The following TCF7L2 variants were observed in gnomAD, a reference collection of about 807,000 sequenced individuals.
TCF7L2 encodes the protein transcription factor 7 like 2, also known as transcription factor 7-like 2.
A neutral mutation model predicts 77.9 loss-of-function variants in TCF7L2; 23 were observed. The ratio of observed to expected loss-of-function variants is 0.30; its 90% CI spans 0.21 to 0.42. TCF7L2 has a LOEUF of 0.42. TCF7L2 is among the 10% of genes least tolerant of loss of function. The pLI is 1.00. For synonymous variants in TCF7L2, 413 were observed against 340.2 expected, an observed-to-expected ratio of 1.21 and a Z score of -2.36; for missense variants, 654 against 793.1, an observed-to-expected ratio of 0.82 and a Z score of 2.11.
chr10:113,024,867 G>A (rs544309450), intron 4 of TCF7L2, among the ~76,000 whole-genome samples: 1 of 152,114 alleles, frequency 6.6e-6, no homozygotes, highest in Admixed American at 6.5e-5. Context: ...TGATCCACCC[G>A]CTTTGGCCTC....
At chr10:113,059,495 T>C (rs906450658) in intron 5 of TCF7L2, among the ~76,000 whole-genome samples, 3 of 152,076 alleles carry the variant, frequency 2.0e-5, no homozygotes, top group African/African-American at 4.8e-5. Context: ...TGGGGAGGTT[T>C]GGAGTTTGAA....
At chr10:113,126,047 G>A (rs2065538369) in intron 5 of TCF7L2, 1 of 151,176 alleles carries the variant, frequency 6.6e-6, no homozygotes, top group Non-Finnish European at 1.5e-5. Context: ...ACGCGCAGCG[G>A]TGGTTTAATA....
intron 5 of TCF7L2, among the ~76,000 whole-genome samples, chr10:113,122,701 G>A (rs2136313030): frequency 6.6e-6 from 1 of 152,252 alleles, no homozygotes; most frequent in South Asian, 2.1e-4. Flanking sequence ...TACTAGGAAA[G>A]GAGAATTATA....
intron 6 of TCF7L2, among the ~76,000 whole-genome samples, chr10:113,141,866 C>T (rs1460641749): frequency 1.3e-5 from 2 of 152,206 alleles, no homozygotes; most frequent in African/African-American, 4.8e-5. Context: ...GTTCTTTTTC[C>T]CCTACAATAT....
At chr10:113,093,325 G>A (rs1048377695) in intron 5 of TCF7L2, among the ~76,000 whole-genome samples, 3 of 152,202 alleles carry the variant, frequency 2.0e-5, no homozygotes, top group Non-Finnish European at 4.4e-5. Context: ...AAGGGTGAGA[G>A]CTATAAAAAT....
At chr10:113,139,418 C>T (rs1046951383) in intron 5 of TCF7L2, among the ~76,000 whole-genome samples, 23 of 152,242 alleles carry the variant, frequency 1.5e-4, no homozygotes, top group Non-Finnish European at 2.6e-4. Flanking sequence ...CTGTGGGCAG[C>T]AGCCCTTCAC....
chr10:113,016,472 CCTTT>C (rs921517751), intron 4 of TCF7L2, among the ~76,000 whole-genome samples: 7 of 152,152 alleles, frequency 4.6e-5, no homozygotes, highest in Non-Finnish European at 5.9e-5. Context: ...TCAGAATTAT[CCTTT>C]CTATCGCAGC....
intron 4 of TCF7L2, among the ~76,000 whole-genome samples, chr10:112,981,131 CTTG>C (rs1172330973): frequency 6.6e-6 from 1 of 152,132 alleles, no homozygotes; most frequent in East Asian, 1.9e-4. Context: ...TTTCTTGTCA[CTTG>C]TTGCTGTTGC....
At chr10:112,954,657 A>G (rs1408396544) in intron 3 of TCF7L2, among the ~76,000 whole-genome samples, 1 of 152,238 alleles carries the variant, frequency 6.6e-6, no homozygotes, top group East Asian at 1.9e-4. Context: ...TATATTAAAG[A>G]TAAGAATACT....
chr10:113,040,004 A>T (rs200203965), intron 4 of TCF7L2, 21 bp from the exon 5 acceptor site: 1 of 1,604,796 alleles, frequency 6.2e-7, no homozygotes, highest in Non-Finnish European at 8.5e-7. Context: ...TTTTCATTTC[A>T]CTTTTGTTTC....
rs533401270 is a variant in TCF7L2 at position 113,044,845 on chromosome 10, C to T, written c.552+4719C>T. On this transcript the variant is annotated intron_variant, in intron 5 of 13. Coordinates refer to ENST00000627217, the MANE Select transcript of TCF7L2 (RefSeq NM_001146274.2). ...GGAGGCTAGAGGTCGGGCAGGGCTC[C>T]GGGAGAGTGACTTGGGGTGCAGCAT... is the stretch of plus-strand genomic sequence containing the variant. Among the ~76,000 whole-genome samples the T allele has an allele frequency of 5.3e-5, 8 of 152,122 alleles. No individual in the cohort carries two copies. In the South Asian group the frequency reaches 6.2e-4, roughly 12 times the overall value.
intron 4 of TCF7L2, among the ~76,000 whole-genome samples, chr10:112,985,695 C>T (rs1349836312): frequency 2.0e-5 from 3 of 152,094 alleles, no homozygotes; most frequent in South Asian, 2.1e-4. Context: ...GAAGGGTCCT[C>T]GATTGGAGCC....
At chr10:113,134,978 C>A (rs1408962257) in intron 5 of TCF7L2, among the ~76,000 whole-genome samples, 1 of 152,216 alleles carries the variant, frequency 6.6e-6, no homozygotes, top group African/African-American at 2.4e-5. Context: ...CCAAGGGAGA[C>A]ACCAGGGCCA....
intron 5 of TCF7L2, among the ~76,000 whole-genome samples, chr10:113,130,285 G>A (rs917593282): frequency 6.6e-6 from 1 of 152,110 alleles, no homozygotes; most frequent in Non-Finnish European, 1.5e-5. Context: ...CCCAAAGTAC[G>A]GGTGAGCTGG....
intron 13 of TCF7L2, chr10:113,161,093 C>T (rs2073092395): frequency 4.1e-6 from 1 of 246,904 alleles, no homozygotes; most frequent in African/African-American, 2.3e-5. Flanking sequence ...AATTGCATTC[C>T]CGTGCACTTA....
chr10:113,073,237 T>G (rs969422490), intron 5 of TCF7L2, among the ~76,000 whole-genome samples: 2 of 151,866 alleles, frequency 1.3e-5, no homozygotes, highest in Non-Finnish European at 2.9e-5. Context: ...CAGGTGTCTT[T>G]CCAGTCTACA....
Position 112,951,285 on chromosome 10 carries a change from C to G in TCF7L2, c.256+12C>G. On this transcript the variant is annotated intron_variant, in intron 2 of 13. Transcript: ENST00000627217. ...AAGTTTGGAAGAAGGTGAGTACGCC[C>G]CGCGCGCCCCGCAGCCGCCCGGAGC... The G allele has an allele frequency of 7.2e-7, 1 of 1,383,494 alleles. No homozygotes were observed. The highest frequency in any genetic ancestry group is 9.5e-7 in the Non-Finnish European group (1 of 1,054,014). The allele number at this position is 1,383,494 out of a possible 1,614,324, so 85.7% of individuals were successfully genotyped here.
At chr10:113,007,137 T>C (rs1487535538) in intron 4 of TCF7L2, among the ~76,000 whole-genome samples, 2 of 152,344 alleles carry the variant, frequency 1.3e-5, no homozygotes, top group Non-Finnish European at 2.9e-5. Flanking sequence ...GTTTGTTGGA[T>C]GATTGGATGG....
intron 4 of TCF7L2, among the ~76,000 whole-genome samples, chr10:112,992,384 C>T (rs943462446): frequency 2.0e-5 from 3 of 152,182 alleles, no homozygotes; most frequent in African/African-American, 7.2e-5. Flanking sequence ...GGGAGACACC[C>T]AGACCCGACA....
Sources: gnomAD v4.1 joint callset for allele counts (sites outside exome capture counted in the v4.1 genomes callset) on GRCh38, gnomAD v4.1.1 for gene constraint, MANE v1.5 for transcripts, NCBI Gene and HGNC (gene_info 2026-07-23, HGNC 2026-07-21) for gene names.